ATP8B1: variants seen among roughly 807,000 people sequenced by gnomAD.
The protein encoded by ATP8B1 is ATPase phospholipid transporting 8B1.
ATP8B1 carries 80 observed loss-of-function variants against 149.9 expected under a neutral mutation model. The observed-to-expected ratio is 0.53, with a 90% confidence interval of 0.45 to 0.64. The LOEUF (loss-of-function observed/expected upper bound fraction) is 0.64. ATP8B1 is among the 30% of genes least tolerant of loss of function. ATP8B1 has a pLI of 0.00. For synonymous variants in ATP8B1, 536 were observed against 562.8 expected, an observed-to-expected ratio of 0.95 and a Z score of 0.67; for missense variants, 1,247 against 1,552.6, an observed-to-expected ratio of 0.80 and a Z score of 3.31.
intron 1 of ATP8B1, among the ~76,000 whole-genome samples, chr18:57,787,741 T>TA (rs2080423971): frequency 6.6e-6 from 1 of 152,248 alleles, no homozygotes; most frequent in African/African-American, 2.4e-5. Flanking sequence ...CCTCAGGGGT[T>TA]AGATACCTTT....
At chr18:57,697,927 T>C in intron 6 of ATP8B1, 60 bp from the exon 7 acceptor site, 1 of 1,427,292 alleles carries the variant, frequency 7.0e-7, no homozygotes, top group Non-Finnish European at 9.8e-7. Context: ...AGGGAATTAC[T>C]ATTCTTTCTG....
chr18:57,747,673 T>G (rs2079977267), intron 1 of ATP8B1, among the ~76,000 whole-genome samples: 1 of 152,210 alleles, frequency 6.6e-6, no homozygotes, highest in Non-Finnish European at 1.5e-5. Context: ...TAAGTATGAT[T>G]AGGGCACTTA....
chr18:57,659,082 C>G (rs371807), intron 22 of ATP8B1, among the ~76,000 whole-genome samples: 49,212 of 151,800 alleles, frequency 0.32, 8,141 homozygotes, highest in East Asian at 0.4. Context: ...TCAAGACCAG[C>G]CTGAGCAACA....
Position 57,655,336 on chromosome 18 carries a change from C to T in ATP8B1, c.2789G>A (p.Arg930Gln), listed in dbSNP as rs35623014. ...MSSDYSFAQF[R>Q]YLQRLLLVHG... ...CACCAGCAGTAGCCTCTGCAGATAT[C>T]GGAACTGAGCAAAGGAATAGTCACT... The change falls in exon 23 of 28, where the codon CGA becomes CAA. Residue 930 changes from arginine to glutamine, a missense_variant. This residue lies in a region of ATP8B1 where 230 missense variants were observed against 356.6 expected (regional missense o/e 0.65). Coordinates refer to ENST00000648908, the MANE Select transcript of ATP8B1 (RefSeq NM_001374385.1). 8.6e-4 allele frequency: 1,381 copies of T among 1,614,152 alleles called. 8 individuals are homozygous for T. The African/African-American group carries it at 0.014, about 16-fold the overall frequency.
chr18:57,655,098 C>A, intron 23 of ATP8B1, 96 bp downstream of exon 23: 2 of 1,200,106 alleles, frequency 1.7e-6, no homozygotes, highest in Non-Finnish European at 2.4e-6. Context: ...CCCAAAACTA[C>A]AAATATAGAA....
chr18:57,792,542 G>A (rs1189585859), intron 1 of ATP8B1, among the ~76,000 whole-genome samples: 2 of 152,062 alleles, frequency 1.3e-5, no homozygotes, highest in South Asian at 2.1e-4. Flanking sequence ...GCCCGGAATC[G>A]GCAAACCCAC....
In ATP8B1 at chr18:57,731,811, G is replaced by C. The variant is rs758151784; in HGVS notation, c.-4C>G. On this transcript the variant is annotated 5_prime_UTR_variant, in exon 2 of 28. Transcript: ENST00000648908. ...CTGAGTCTCTTTCTGTACTCATTCT[G>C]CTGGCAAATTGGAACTACCTGCTTA... 3.7e-6 allele frequency: 6 copies of C among 1,613,836 alleles called. No homozygotes were observed. The highest frequency in any genetic ancestry group is 1.7e-5 in the Admixed American group (1 of 59,958).
chr18:57,693,488 A>G (rs1416628977), intron 11 of ATP8B1, among the ~76,000 whole-genome samples: 1 of 152,132 alleles, frequency 6.6e-6, no homozygotes, highest in East Asian at 1.9e-4. Context: ...CAGGCAGATC[A>G]CTTGAGGTCA....
chr18:57,712,291 C>T (rs1389071253), intron 2 of ATP8B1, among the ~76,000 whole-genome samples: 2 of 152,048 alleles, frequency 1.3e-5, no homozygotes, highest in African/African-American at 4.8e-5. Flanking sequence ...CCTCCCCCAG[C>T]CCCAGCACCA....
At chr18:57,706,704 G>T in intron 2 of ATP8B1, 117 bp from the exon 3 acceptor site, 1 of 843,172 alleles carries the variant, frequency 1.2e-6, no homozygotes, top group Non-Finnish European at 2.0e-6. Flanking sequence ...CTCAGAATGT[G>T]ACCTTATTTG....
In ATP8B1 at chr18:57,697,526, T is replaced by C; in HGVS notation, c.698+92A>G. 4 of 1,363,440 alleles carry C rather than the reference T, an allele frequency of 2.9e-6. No individual in the cohort carries two copies. In the African/African-American group the frequency reaches 4.3e-5, roughly 15 times the overall value. 84.5% of individuals were successfully genotyped at this position (1,363,440 alleles called of 1,614,324 possible). A position where few individuals can be genotyped will look rare whatever the true frequency, so the allele number is the denominator to read the frequency against. On this transcript the variant is annotated intron_variant, in intron 8 of 27. Coordinates refer to ENST00000648908, the MANE Select transcript of ATP8B1 (RefSeq NM_001374385.1). The stretch of plus-strand genomic sequence containing the variant: ...CAGGTGGCAGAGGCAAGGCCAGATA[T>C]CAAGCCGTCTGGTCCACAATGCCCC...
At chr18:57,759,976 G>T (rs918491231) in intron 1 of ATP8B1, among the ~76,000 whole-genome samples, 1 of 152,078 alleles carries the variant, frequency 6.6e-6, no homozygotes, top group East Asian at 1.9e-4. Context: ...TCATGTAGGA[G>T]AGCTGCTAGG....
In ATP8B1 at chr18:57,661,244, C is replaced by T. The variant is rs199716374; in HGVS notation, c.2637G>A (p.Leu879=). The T allele has an allele frequency of 2.9e-5, 46 of 1,613,938 alleles. No individual in the cohort carries two copies. The highest frequency in any genetic ancestry group is 3.4e-6 in the Non-Finnish European group (4 of 1,180,010). Residue 879 remains leucine, a synonymous_variant, in exon 22 of 28, where the codon CTG becomes CTA. Transcript: ENST00000648908. ...TPKQKAMVVD[L]VKRYKKAITL... is the part of the protein sequence containing the mutation. ...TGATGGCTTTCTTGTACCTCTTCAC[C>T]AGGTCCACCACCATGGCCTTCTGCT...
chr18:57,756,192 C>CATATATATATATATAT (rs147263393), intron 1 of ATP8B1, among the ~76,000 whole-genome samples: 22 of 84,696 alleles, frequency 2.6e-4, no homozygotes, highest in African/African-American at 7.8e-4. Context: ...ATTTCCACAA[C>CATATATATATATATAT]ATATATATAT....
Position 57,700,372 on chromosome 18 carries a change from T to C in ATP8B1, c.554+667A>G, listed in dbSNP as rs187856746. On this transcript the variant is annotated intron_variant, in intron 6 of 27. Coordinates refer to ENST00000648908, the MANE Select transcript of ATP8B1 (RefSeq NM_001374385.1). The stretch of plus-strand genomic sequence containing the variant: ...CATAAATGAATGGCAGATAAACACA[T>C]AGTGATTAGACGACTGCCTCCAGTG... 5.8e-3 allele frequency among the ~76,000 whole-genome samples: 888 copies of C among 152,264 alleles called. 8 individuals are homozygous for C. The highest frequency in any genetic ancestry group is 0.02 in the African/African-American group (821 of 41,564).
intron 1 of ATP8B1, among the ~76,000 whole-genome samples, chr18:57,738,543 T>C (rs1001628107): frequency 2.0e-5 from 3 of 152,080 alleles, no homozygotes; most frequent in African/African-American, 7.2e-5. Flanking sequence ...GAGAATTGCT[T>C]GAACCCAGGA....
intron 1 of ATP8B1, among the ~76,000 whole-genome samples, chr18:57,783,436 T>C (rs1282810564): frequency 1.3e-5 from 2 of 152,302 alleles, no homozygotes; most frequent in Non-Finnish European, 2.9e-5. Flanking sequence ...TTTAATAATA[T>C]AGAAAGACTG....
At chr18:57,650,740 G>A (rs959819068) in intron 26 of ATP8B1, among the ~76,000 whole-genome samples, 1 of 152,130 alleles carries the variant, frequency 6.6e-6, no homozygotes, top group African/African-American at 2.4e-5. Context: ...CTACTCAGGA[G>A]ACAGCAGAAT....
chr18:57,746,467 CTTTTTTTTTTTT>C (rs71171082), intron 1 of ATP8B1, among the ~76,000 whole-genome samples: 41 of 94,118 alleles, frequency 4.4e-4, no homozygotes, highest in African/African-American at 1.7e-3. Context: ...CTGATGCTTA[CTTTTTTTTTTTT>C]TTTTTTTTTT....
Sources: allele counts gnomAD v4.1 joint callset (sites outside exome capture counted in the v4.1 genomes callset), GRCh38; gene constraint gnomAD v4.1.1; regional missense constraint gnomAD v4.1.1; transcripts MANE v1.5; gene names NCBI Gene and HGNC (gene_info 2026-07-23, HGNC 2026-07-21).